The following SENP2 variants were observed in gnomAD, a reference collection of about 807,000 sequenced individuals.
SENP2 encodes the protein SUMO specific peptidase 2, also known as sentrin-specific protease 2.
Under a neutral mutation model 86.3 loss-of-function variants are expected in SENP2, and 16 were observed. The observed-to-expected ratio is 0.19, with a 90% CI of 0.13 to 0.28. The LOEUF (loss-of-function observed/expected upper bound fraction) is 0.28. SENP2 is among the 10% of genes least tolerant of loss of function. SENP2 has a pLI of 1.00. For synonymous variants in SENP2, 222 were observed against 238.7 expected, an observed-to-expected ratio of 0.93 and a Z score of 0.64; for missense variants, 552 against 703.0, an observed-to-expected ratio of 0.79 and a Z score of 2.43.
intron 7 of SENP2, 125 bp downstream of exon 7, chr3:185,609,475 T>G (rs2148988642): frequency 1.6e-6 from 1 of 637,920 alleles, no homozygotes; most frequent in Non-Finnish European, 2.7e-6. Context: ...AGCTCTGTCA[T>G]TTGCCTGGAT....
At chr3:185,604,793 T>A (rs1202799588) in intron 5 of SENP2, among the ~76,000 whole-genome samples, 1 of 151,740 alleles carries the variant, frequency 6.6e-6, no homozygotes, top group Non-Finnish European at 1.5e-5. Context: ...CCTTGCTCTG[T>A]CTCCCAGGCT....
At position 185,624,011 on chromosome 3, in the gene SENP2, G is replaced by A; in HGVS notation, c.1540G>A (p.Asp514Asn). 2 of 1,608,642 alleles carry A rather than the reference G, an allele frequency of 1.2e-6. No individual in the cohort carries two copies. Among genetic ancestry groups the A allele is most frequent in the Non-Finnish European group, 1.7e-6 (2 of 1,176,152 alleles). ...TTTGCTTTTTAGTCAGTATTTACAG[G>A]ATGAAAGTAAGACCAAAAGAAATAG... ...ICEILLQYLQ[D>N]ESKTKRNSDL... Residue 514 changes from aspartate to asparagine, a missense_variant, in exon 15 of 17, where the codon GAT becomes AAT. Coordinates refer to ENST00000296257, the MANE Select transcript of SENP2 (RefSeq NM_021627.3).
intron 2 of SENP2, among the ~76,000 whole-genome samples, chr3:185,592,007 ATTTC>A (rs1221736815): frequency 8.5e-5 from 3 of 35,116 alleles, no homozygotes; most frequent in East Asian, 8.4e-4. Flanking sequence ...AACCGGTAAT[ATTTC>A]TTTTTTTTTT....
chr3:185,626,590 T>C (rs994252568), intron 16 of SENP2, among the ~76,000 whole-genome samples, 197 bp downstream of exon 16: 3 of 151,200 alleles, frequency 2.0e-5, no homozygotes, highest in African/African-American at 7.3e-5. Context: ...CTGGCCAACA[T>C]GGTGAAACCC....
chr3:185,593,449 C>T (rs555482669), intron 2 of SENP2, among the ~76,000 whole-genome samples: 1 of 152,204 alleles, frequency 6.6e-6, no homozygotes, highest in African/African-American at 2.4e-5. Flanking sequence ...ATACTAAATT[C>T]ATTAGAACAG....
rs1038530261 is a variant in SENP2, at chr3:185,625,480, T to C, written c.1612-818T>C. On this transcript the variant is annotated intron_variant, in intron 15 of 16. Coordinates refer to ENST00000296257, the MANE Select transcript of SENP2 (RefSeq NM_021627.3). ...TAAAAATTGAGCTATTGTCATCTAG[T>C]GTGTTTTCCAGCAATAACTTGCGCT... 5.3e-5 allele frequency among the ~76,000 whole-genome samples: 8 copies of C among 152,106 alleles called. No homozygotes were observed. The South Asian group carries it at 1.7e-3, about 31-fold the overall frequency.
chr3:185,613,288 T>G, intron 9 of SENP2, 57 bp from the exon 10 acceptor site: 2 of 943,792 alleles, frequency 2.1e-6, no homozygotes, highest in Non-Finnish European at 3.4e-6. Flanking sequence ...AAAACTAGGA[T>G]GTACTAGGTT....
At chr3:185,592,011 CT>C (rs149268515) in intron 2 of SENP2, among the ~76,000 whole-genome samples, 193 of 65,794 alleles carry the variant, frequency 2.9e-3, no homozygotes, top group African/African-American at 9.8e-3. Context: ...GGTAATATTT[CT>C]TTTTTTTTTT....
chr3:185,589,897 A>G (rs1396345498), intron 1 of SENP2, among the ~76,000 whole-genome samples: 12 of 152,082 alleles, frequency 7.9e-5, no homozygotes, highest in Admixed American at 7.2e-4. Context: ...TCAAACTCCA[A>G]GGCTCAAGCG....
At chr3:185,600,986 C>A in intron 5 of SENP2, 131 bp downstream of exon 5, 1 of 593,436 alleles carries the variant, frequency 1.7e-6, no homozygotes, top group South Asian at 2.3e-5. Context: ...TGCTGAATGT[C>A]ATGCAGCCAG....
At chr3:185,591,759 C>T (rs1225064047) in intron 2 of SENP2, among the ~76,000 whole-genome samples, 1 of 151,362 alleles carries the variant, frequency 6.6e-6, no homozygotes, top group Non-Finnish European at 1.5e-5. Flanking sequence ...GAGACAGGGT[C>T]TCATTCTGTC....
intron 11 of SENP2, among the ~76,000 whole-genome samples, chr3:185,615,978 T>G (rs1711581518): frequency 6.6e-6 from 1 of 151,892 alleles, no homozygotes; most frequent in African/African-American, 2.4e-5. Flanking sequence ...TTCTTCTGCC[T>G]CAGCCTCCTG....
intron 12 of SENP2, among the ~76,000 whole-genome samples, chr3:185,617,998 G>A (rs977786259): frequency 4.6e-5 from 7 of 152,192 alleles, no homozygotes; most frequent in Non-Finnish European, 7.3e-5. Context: ...AGGCTGGAGT[G>A]CAATGGCGCA....
At chr3:185,619,593 G>A in intron 13 of SENP2, 91 bp downstream of exon 13, 1 of 943,618 alleles carries the variant, frequency 1.1e-6, no homozygotes, top group South Asian at 1.6e-5. Flanking sequence ...TGTGTATAGA[G>A]GCCAATAGTA....
chr3:185,614,613 G>A lies in SENP2; in HGVS notation c.983G>A (p.Arg328Gln), dbSNP rs893090777. ...EPDLSEEVSA[R>Q]LRLGSGSNGL... ...GACCTATCAGAAGAAGTGTCGGCCC[G>A]ACTCCGCCTGGGCAGTGGAAGCAAT... The change falls in exon 11 of 17, where the codon CGA (arginine) becomes CAA (glutamine). Residue 328 changes from arginine to glutamine, a missense_variant. Arg to Gln is a conservative substitution (Grantham distance 43). This residue lies in a region of SENP2 where 383 missense variants were observed against 427.3 expected (regional missense o/e 0.90). Transcript: ENST00000296257. The A allele has an allele frequency of 6.2e-7, 1 of 1,614,174 alleles. No homozygotes were observed. The highest frequency in any genetic ancestry group is 8.5e-7 in the Non-Finnish European group (1 of 1,180,034).
intron 4 of SENP2, among the ~76,000 whole-genome samples, chr3:185,600,475 A>G (rs1722309777): frequency 6.6e-6 from 1 of 152,192 alleles, no homozygotes; most frequent in East Asian, 1.9e-4. Context: ...GAGAGTTATA[A>G]TCTTTGAGTT....
At chr3:185,626,655 C>T (rs1482856720) in intron 16 of SENP2, among the ~76,000 whole-genome samples, 10 of 151,882 alleles carry the variant, frequency 6.6e-5, no homozygotes, top group Admixed American at 5.9e-4. Context: ...TGCCTATAAT[C>T]CCAGCTACTC....
At chr3:185,600,407 C>G (rs369451498) in intron 4 of SENP2, among the ~76,000 whole-genome samples, 1 of 152,096 alleles carries the variant, frequency 6.6e-6, no homozygotes, top group African/African-American at 2.4e-5. Flanking sequence ...GGTATGTTAC[C>G]GGCCAAACAT....
At chr3:185,610,353 G>T (rs989398292) in intron 7 of SENP2, among the ~76,000 whole-genome samples, 1 of 151,822 alleles carries the variant, frequency 6.6e-6, no homozygotes, top group South Asian at 2.1e-4. Flanking sequence ...GTAGAGATGG[G>T]GCTTCACCAT....
Sources: gnomAD v4.1 joint callset for allele counts (sites outside exome capture counted in the v4.1 genomes callset) on GRCh38, gnomAD v4.1.1 for gene constraint, gnomAD v4.1.1 regional missense constraint, MANE v1.5 for transcripts, NCBI Gene and HGNC (gene_info 2026-07-23, HGNC 2026-07-21) for gene names.